The following EPHA6 variants were observed in gnomAD, a reference collection of about 807,000 sequenced individuals.
The protein encoded by EPHA6 is ephrin type-A receptor 6.
In EPHA6, 50 loss-of-function variants were observed where a neutral mutation model predicts 112.0. That is an observed-to-expected ratio of 0.45 (90% CI 0.36 to 0.56). EPHA6 has a LOEUF of 0.56. Ranked by LOEUF, EPHA6 falls within the 20% of genes least tolerant of loss-of-function variation. The pLI, the probability that EPHA6 is intolerant of heterozygous loss-of-function variation, is 0.00. For synonymous variants in EPHA6, 529 were observed against 490.7 expected (o/e 1.08, Z -1.03); for missense variants, 1,280 against 1,417.4 (o/e 0.90, Z 1.56).
At chr3:97,323,052 T>C (rs1289856250) in intron 5 of EPHA6, among the ~76,000 whole-genome samples, 1 of 151,986 alleles carries the variant, frequency 6.6e-6, no homozygotes. Flanking sequence ...CCTCTTCCCT[T>C]GTAGTTAAGA....
intron 2 of EPHA6, among the ~76,000 whole-genome samples, chr3:96,929,786 G>C (rs1379492239): frequency 1.3e-5 from 2 of 152,042 alleles, no homozygotes; most frequent in Non-Finnish European, 2.9e-5. Flanking sequence ...ATTAGGCTGG[G>C]GAAGTTCTCC....
chr3:97,293,204 G>A (rs1253435970), intron 5 of EPHA6, among the ~76,000 whole-genome samples: 2 of 152,188 alleles, frequency 1.3e-5, no homozygotes, highest in Admixed American at 6.5e-5. Context: ...CCCGTGATAG[G>A]TAGCTCCTTT....
At chr3:97,497,976 C>G (rs2092023137) in intron 10 of EPHA6, among the ~76,000 whole-genome samples, 1 of 152,002 alleles carries the variant, frequency 6.6e-6, no homozygotes. Flanking sequence ...GGCAACAGAA[C>G]AAGTCTCAGG....
chr3:97,486,653 A>G (rs2091706753), intron 10 of EPHA6, among the ~76,000 whole-genome samples: 1 of 152,224 alleles, frequency 6.6e-6, no homozygotes, highest in Admixed American at 6.5e-5. Flanking sequence ...CTGAGCCCTC[A>G]TGATCTAATT....
chr3:97,430,458 A>G (rs2089437469), intron 6 of EPHA6, among the ~76,000 whole-genome samples: 1 of 152,094 alleles, frequency 6.6e-6, no homozygotes, highest in Non-Finnish European at 1.5e-5. Context: ...TATTCACACA[A>G]TGGTCTTATT....
Position 97,483,989 on chromosome 3 carries a change from C to G in EPHA6, c.2130C>G (p.Ser710=). Residue 710 remains serine (S), a synonymous_variant, in exon 10 of 18, where the codon TCC becomes TCG. Coordinates refer to ENST00000389672, the MANE Select transcript of EPHA6 (RefSeq NM_001080448.3). ...YIDPDTYEDP[S]LAVHEFAKEI... The stretch of plus-strand genomic sequence containing the variant: ...ATCCAGATACATATGAAGACCCATC[C>G]CTAGCAGTCCATGAATTTGCAAAGG... The G allele has an allele frequency of 6.2e-7, 1 of 1,610,684 alleles. No homozygotes were observed. The highest frequency in any genetic ancestry group is 8.5e-7 in the Non-Finnish European group (1 of 1,178,358).
chr3:97,726,851 C>G (rs533121526), intron 15 of EPHA6, among the ~76,000 whole-genome samples: 2 of 152,068 alleles, frequency 1.3e-5, no homozygotes, highest in Non-Finnish European at 2.9e-5. Context: ...AAAACACGAA[C>G]AGCAGGCAAC....
At chr3:97,520,926 T>A (rs1316193729) in intron 10 of EPHA6, among the ~76,000 whole-genome samples, 1 of 152,134 alleles carries the variant, frequency 6.6e-6, no homozygotes, top group Non-Finnish European at 1.5e-5. Flanking sequence ...TAGACTGGTT[T>A]TTGTGAAAAG....
chr3:97,021,357 C>A (rs901054158), intron 3 of EPHA6, among the ~76,000 whole-genome samples: 5 of 152,146 alleles, frequency 3.3e-5, no homozygotes, highest in African/African-American at 9.7e-5. Flanking sequence ...CGTTGCCTGC[C>A]CCTACACCTT....
At position 96,903,319 on chromosome 3, in the gene EPHA6, TCTCCTTCCCCTG is replaced by T. The variant is rs199929526; in HGVS notation, c.450+36434_450+36445del. 9.3e-3 allele frequency among the ~76,000 whole-genome samples: 1,412 copies of T among 152,248 alleles called. 15 individuals carry two copies. Among genetic ancestry groups the T allele is most frequent in the Middle Eastern group, 0.044 (13 of 294 alleles). Reference sequence around the variant, plus strand: ...GGAGTTGAGGACAAAGAGGTGTCATTCTCCTTCCCCTGCTCTGGGAAGTAATTTGAATTTCTT... The same window carrying T: ...GGAGTTGAGGACAAAGAGGTGTCATTCTCTGGGAAGTAATTTGAATTTCTT... On this transcript the variant is annotated intron_variant, in intron 2 of 17. Transcript: ENST00000389672.
Position 97,218,270 on chromosome 3 carries a change from T to TAA in EPHA6, c.1115-7983_1115-7982dup, listed in dbSNP as rs113002813. Among the ~76,000 whole-genome samples, 753 of 145,608 alleles carry TAA rather than the reference T, an allele frequency of 5.2e-3. 6 individuals are homozygous for TAA. Among genetic ancestry groups the TAA allele is most frequent in the African/African-American group, 0.018 (719 of 39,908 alleles). ...TGGATGAAAGAGTGAGACCCTATCTTAAAAAAAAAAAATGTAAAACCATTC... is the reference window on the plus strand; with the variant it reads ...TGGATGAAAGAGTGAGACCCTATCTTAAAAAAAAAAAAAATGTAAAACCATTC... On this transcript the variant is annotated intron_variant, in intron 3 of 17. Coordinates refer to ENST00000389672, the MANE Select transcript of EPHA6 (RefSeq NM_001080448.3).
intron 2 of EPHA6, among the ~76,000 whole-genome samples, chr3:96,949,184 G>A (rs763404621): frequency 5.3e-5 from 8 of 151,838 alleles, no homozygotes; most frequent in African/African-American, 9.7e-5. Flanking sequence ...ATTGATAGAC[G>A]GAGAAAAAAT....
At chr3:96,984,493 G>A (rs977615244) in intron 2 of EPHA6, among the ~76,000 whole-genome samples, 4 of 152,164 alleles carry the variant, frequency 2.6e-5, no homozygotes, top group African/African-American at 9.7e-5. Context: ...TAGGCTACTT[G>A]GGGGTGTGGG....
intron 3 of EPHA6, among the ~76,000 whole-genome samples, chr3:97,119,015 T>G (rs1274218526): frequency 6.6e-6 from 1 of 151,990 alleles, no homozygotes; most frequent in East Asian, 1.9e-4. Context: ...AAGTCATTTT[T>G]GTACAAGAAA....
At chr3:96,879,510 A>G (rs1182700658) in intron 2 of EPHA6, among the ~76,000 whole-genome samples, 1 of 152,074 alleles carries the variant, frequency 6.6e-6, no homozygotes, top group African/African-American at 2.4e-5. Flanking sequence ...TAGAGTTAGG[A>G]GGAAAGAGTT....
In EPHA6 at chr3:96,814,613, C is replaced by G. The variant is rs1417754047; in HGVS notation, c.-11C>G. 3 of 1,425,474 alleles carry G rather than the reference C, an allele frequency of 2.1e-6. No individual in the cohort carries two copies. The highest frequency in any genetic ancestry group is 2.5e-5 in the East Asian group (1 of 40,296). The allele number at this position is 1,425,474 out of a possible 1,614,324, so 88.3% of individuals were successfully genotyped here. A position where few individuals can be genotyped will look rare whatever the true frequency, so the allele number is the denominator to read the frequency against. Reference sequence around the variant, plus strand: ...GTGAATAGTCCTCGCGCAAGCGGGACACTGTGGTGGATGCAATTCCCCTCG... The same window carrying G: ...GTGAATAGTCCTCGCGCAAGCGGGAGACTGTGGTGGATGCAATTCCCCTCG... On this transcript the variant is annotated 5_prime_UTR_variant, in exon 1 of 18. Transcript: ENST00000389672.
At chr3:97,000,437 C>T (rs1292059061) in intron 3 of EPHA6, among the ~76,000 whole-genome samples, 1 of 151,436 alleles carries the variant, frequency 6.6e-6, no homozygotes, top group Non-Finnish European at 1.5e-5. Context: ...ACAAAAATTT[C>T]AAAGTCCAGA....
chr3:97,351,145 G>A (rs2083792857), intron 5 of EPHA6, among the ~76,000 whole-genome samples: 1 of 152,154 alleles, frequency 6.6e-6, no homozygotes, highest in Admixed American at 6.5e-5. Flanking sequence ...CCATCCTTGT[G>A]TTCACGCCAA....
rs144137324 is a variant in EPHA6, at chr3:97,316,460, G to A, written c.1606+72173G>A. On this transcript the variant is annotated intron_variant, in intron 5 of 17. Coordinates refer to ENST00000389672, the MANE Select transcript of EPHA6 (RefSeq NM_001080448.3). ...ATGCAAGGAGAAACCTCACAGAGAAGGCATCTTTCCAGGGATTGCTGCGTT... is the reference window on the plus strand; with the variant it reads ...ATGCAAGGAGAAACCTCACAGAGAAAGCATCTTTCCAGGGATTGCTGCGTT... 5.1e-3 allele frequency among the ~76,000 whole-genome samples: 768 copies of A among 151,972 alleles called. 9 individuals are homozygous for A. Among genetic ancestry groups the A allele is most frequent in the African/African-American group, 0.017 (711 of 41,452 alleles).
Sources: gnomAD v4.1 joint callset for allele counts (sites outside exome capture counted in the v4.1 genomes callset) on GRCh38, gnomAD v4.1.1 for gene constraint, MANE v1.5 for transcripts, NCBI Gene and HGNC (gene_info 2026-07-23, HGNC 2026-07-21) for gene names.